LPAR6: variants seen among roughly 807,000 people sequenced by gnomAD.
The protein encoded by LPAR6 is lysophosphatidic acid receptor 6, also known as G-protein coupled purinergic receptor P2Y5.
LPAR6 carries 17 observed loss-of-function variants against 22.0 expected under a neutral mutation model. That is an observed-to-expected ratio of 0.77 (90% CI 0.53 to 1.16). LPAR6 has a LOEUF of 1.16. Among genes scored for constraint, LPAR6 ranks in the 50% most tolerant of loss-of-function variants. LPAR6 has a pLI of 0.00. For synonymous variants in LPAR6, 136 were observed against 139.8 expected, an observed-to-expected ratio of 0.97 and a Z score of 0.19; for missense variants, 384 against 406.9, an observed-to-expected ratio of 0.94 and a Z score of 0.48.
downstream of LPAR6, among the ~76,000 whole-genome samples, chr13:48,409,613 G>A (rs915101156): frequency 1.0e-3 from 117 of 112,144 alleles, no homozygotes; most frequent in Non-Finnish European, 1.5e-3. Context: ...ATGGAGTCTC[G>A]CTCTGTCGCC....
chr13:48,436,574 C>T (rs1364505769), intron 1 of LPAR6, among the ~76,000 whole-genome samples: 4 of 151,818 alleles, frequency 2.6e-5, no homozygotes, highest in Admixed American at 6.6e-5. Context: ...ACCCGGGAGA[C>T]GGAGGTTGCA....
intron 1 of LPAR6, among the ~76,000 whole-genome samples, chr13:48,392,844 T>G (rs1229299249): frequency 6.6e-6 from 1 of 152,166 alleles, no homozygotes; most frequent in Non-Finnish European, 1.5e-5. Flanking sequence ...ATCATGAATT[T>G]TGCTTTAGTG....
intron 1 of LPAR6, among the ~76,000 whole-genome samples, chr13:48,399,237 T>C (rs909227041): frequency 1.3e-5 from 2 of 152,022 alleles, no homozygotes; most frequent in Non-Finnish European, 2.9e-5. Flanking sequence ...TGTTTTACTC[T>C]TTCTCTGTTT....
At chr13:48,389,778 A>G (rs1261507020) in exon 2 of LPAR6, 3 of 152,164 alleles carry the variant, frequency 2.0e-5, no homozygotes, top group Admixed American at 6.6e-5. Context: ...CTCCCTCCCT[A>G]GAGTGGTTAG....
rs1948841576 is a variant in LPAR6 at position 48,412,889 on chromosome 13, T to C, written c.-466A>G. The C allele has an allele frequency of 5.5e-6, 1 of 181,652 alleles. No homozygotes were observed. The highest frequency in any genetic ancestry group is 5.9e-5 in the Admixed American group (1 of 16,948). 11.3% of individuals were successfully genotyped at this position (181,652 alleles called of 1,614,324 possible). A position where few individuals can be genotyped will look rare whatever the true frequency, so the allele number is the denominator to read the frequency against. ...TTAAGTTATCAATCTTATTTTCTTT[T>C]CAGTGCAGAGTTTCAGAGACTTAAA... On this transcript the variant is annotated 5_prime_UTR_variant, in exon 1 of 1. Transcript: ENST00000620633.
intron 1 of LPAR6, among the ~76,000 whole-genome samples, chr13:48,425,446 C>T (rs923532556): frequency 1.3e-5 from 2 of 152,144 alleles, no homozygotes; most frequent in African/African-American, 4.8e-5. Context: ...GGTCATAAAA[C>T]CTTAGTTGGG....
downstream of LPAR6, among the ~76,000 whole-genome samples, chr13:48,409,308 A>C (rs1045650227): frequency 6.6e-6 from 1 of 151,902 alleles, no homozygotes; most frequent in African/African-American, 2.4e-5. Flanking sequence ...ATCCCTAAAG[A>C]AAACCCCCCA....
rs1392937599 is a variant in LPAR6, at chr13:48,413,047, T to G, written c.-624A>C. ...AAGATTCCGAAATAAACTCCCAAGC[T>G]TGTTAGCTCTTGTTGAATTGAGGCC... On this transcript the variant is annotated 5_prime_UTR_variant, in exon 1 of 1. Coordinates refer to ENST00000620633, the MANE Select transcript of LPAR6 (RefSeq NM_001162498.3). 1 of 167,288 alleles carries G rather than the reference T, an allele frequency of 6.0e-6. No homozygotes were observed. Among genetic ancestry groups the G allele is most frequent in the African/African-American group, 2.4e-5 (1 of 41,464 alleles). The allele number at this position is 167,288 out of a possible 1,614,324, so 10.4% of individuals were successfully genotyped here.
intron 1 of LPAR6, among the ~76,000 whole-genome samples, chr13:48,396,968 T>C (rs569454784): frequency 6.6e-6 from 1 of 152,304 alleles, no homozygotes; most frequent in South Asian, 2.1e-4. Context: ...CCAGTTAGAA[T>C]GGTGATCATT....
chr13:48,405,363 T>G (rs1374755423), intron 1 of LPAR6, among the ~76,000 whole-genome samples: 7 of 152,204 alleles, frequency 4.6e-5, no homozygotes, highest in Non-Finnish European at 1.0e-4. Context: ...ATTTGCCTTT[T>G]TTCCTCGGGC....
At chr13:48,405,204 A>G (rs1948729083) in intron 1 of LPAR6, among the ~76,000 whole-genome samples, 1 of 152,220 alleles carries the variant, frequency 6.6e-6, no homozygotes. Context: ...GAAATCAGAT[A>G]GTTTCATAAA....
chr13:48,416,112 GA>G (rs1168669910), upstream of LPAR6, among the ~76,000 whole-genome samples: 2 of 152,036 alleles, frequency 1.3e-5, no homozygotes, highest in African/African-American at 4.8e-5. Context: ...TGGGGGGAGC[GA>G]AAATTAAACA....
At chr13:48,415,278 T>G (rs943740690), upstream of LPAR6, among the ~76,000 whole-genome samples, 3 of 151,886 alleles carry the variant, frequency 2.0e-5, no homozygotes, top group African/African-American at 7.2e-5. Flanking sequence ...TTTTCTTTTC[T>G]TTTTCTTTTT....
intron 1 of LPAR6, among the ~76,000 whole-genome samples, chr13:48,394,275 C>T (rs1398045868): frequency 6.6e-6 from 1 of 152,192 alleles, no homozygotes; most frequent in African/African-American, 2.4e-5. Flanking sequence ...GAGATTCCCT[C>T]GGGTGCCTAC....
chr13:48,394,716 G>C (rs1948634642), intron 1 of LPAR6, among the ~76,000 whole-genome samples: 1 of 152,202 alleles, frequency 6.6e-6, no homozygotes, highest in Non-Finnish European at 1.5e-5. Flanking sequence ...TCTGGGCAGG[G>C]CATCTCTGAA....
intron 1 of LPAR6, among the ~76,000 whole-genome samples, chr13:48,425,781 A>C (rs185435958): frequency 6.6e-6 from 1 of 152,316 alleles, no homozygotes; most frequent in Non-Finnish European, 1.5e-5. Context: ...GACCTATAGA[A>C]TTCTTTTCAG....
In LPAR6 at chr13:48,411,681, T is replaced by A. The variant is rs780471724; in HGVS notation, c.743A>T (p.Asn248Ile). ...FCFCFVPYNI[N>I]LILYSLVRTQ... ...TCTCACAAGAGAATATAAAATAAGA[T>A]TGATATTGTAAGGAACAAAACAGAA... The change falls in exon 1 of 1, where the codon AAT becomes ATT. Residue 248 changes from asparagine to isoleucine, a missense_variant. Asn to Ile is a moderately radical substitution (Grantham distance 149). Coordinates refer to ENST00000620633, the MANE Select transcript of LPAR6 (RefSeq NM_001162498.3). The A allele has an allele frequency of 6.2e-7, 1 of 1,610,458 alleles. No individual in the cohort carries two copies.
At chr13:48,393,629 T>C (rs1221889528) in intron 1 of LPAR6, among the ~76,000 whole-genome samples, 1 of 152,230 alleles carries the variant, frequency 6.6e-6, no homozygotes, top group Non-Finnish European at 1.5e-5. Flanking sequence ...ATATGAAATA[T>C]GTACACTTAC....
At chr13:48,439,401 C>A (rs1949214791) in intron 1 of LPAR6, among the ~76,000 whole-genome samples, 1 of 151,938 alleles carries the variant, frequency 6.6e-6, no homozygotes, top group African/African-American at 2.4e-5. Flanking sequence ...AAAATAGAAT[C>A]ATGAAGTATA....
Sources: allele counts gnomAD v4.1 joint callset (sites outside exome capture counted in the v4.1 genomes callset), GRCh38; gene constraint gnomAD v4.1.1; transcripts MANE v1.5; gene names NCBI Gene and HGNC (gene_info 2026-07-23, HGNC 2026-07-21).